Variants in CMKLR1 observed in about 807,000 individuals in gnomAD.
CMKLR1 encodes chemerin chemokine-like receptor 1, also known as chemerin-like receptor 1.
A neutral mutation model predicts 8.2 loss-of-function variants in CMKLR1; 6 were observed. The ratio of observed to expected loss-of-function variants is 0.73; its 90% confidence interval spans 0.40 to 1.44. The LOEUF is 1.44. CMKLR1 is among the 40% of genes most tolerant of loss of function. The pLI, the probability that CMKLR1 is intolerant of heterozygous loss-of-function variation, is 0.02. For missense variants in CMKLR1, 429 were observed against 478.0 expected (o/e 0.90, Z 0.96); for synonymous variants, 178 against 181.2 (o/e 0.98, Z 0.14).
At chr12:108,298,704 G>A (rs936546498) in intron 2 of CMKLR1, among the ~76,000 whole-genome samples, 9 of 152,186 alleles carry the variant, frequency 5.9e-5, no homozygotes, top group African/African-American at 2.2e-4. Flanking sequence ...AGGCCGGCCT[G>A]ACACCTGTCT....
intron 2 of CMKLR1, among the ~76,000 whole-genome samples, chr12:108,316,403 A>G (rs4964673): frequency 0.054 from 8,245 of 152,248 alleles, 610 homozygotes; most frequent in African/African-American, 0.16. Flanking sequence ...GAGAGGGGGA[A>G]GAGGGGCAGG....
intron 2 of CMKLR1, among the ~76,000 whole-genome samples, chr12:108,318,200 C>T (rs1218755754): frequency 6.6e-6 from 1 of 152,204 alleles, no homozygotes; most frequent in Non-Finnish European, 1.5e-5. Context: ...TACAATGTTA[C>T]AATTAACTAC....
intron 2 of CMKLR1, among the ~76,000 whole-genome samples, chr12:108,302,619 G>A (rs1383439387): frequency 6.6e-6 from 1 of 152,236 alleles, no homozygotes; most frequent in East Asian, 1.9e-4. Flanking sequence ...GCATGCCTCC[G>A]CCCTGTCCTG....
chr12:108,301,958 C>G (rs1350933076), intron 2 of CMKLR1, among the ~76,000 whole-genome samples: 4 of 152,150 alleles, frequency 2.6e-5, no homozygotes, highest in Non-Finnish European at 5.9e-5. Context: ...CATCAGAATG[C>G]ACACACACAC....
chr12:108,327,645 AAGCAG>A (rs1039446929), intron 2 of CMKLR1, among the ~76,000 whole-genome samples: 1 of 152,228 alleles, frequency 6.6e-6, no homozygotes, highest in Non-Finnish European at 1.5e-5. Context: ...CTTGGCTTAT[AAGCAG>A]CCTGTTGTGA....
chr12:108,306,000 G>C (rs1219382327), intron 2 of CMKLR1, among the ~76,000 whole-genome samples: 2 of 152,156 alleles, frequency 1.3e-5, no homozygotes, highest in African/African-American at 4.8e-5. Flanking sequence ...GCCACTGCCT[G>C]GCATCCTCCC....
chr12:108,294,308 C>T (rs1891070578), intron 2 of CMKLR1, among the ~76,000 whole-genome samples: 1 of 152,202 alleles, frequency 6.6e-6, no homozygotes, highest in African/African-American at 2.4e-5. Flanking sequence ...TGAAGACAGA[C>T]ACAAATATAT....
chr12:108,338,219 C>T (rs1348141533), intron 1 of CMKLR1, among the ~76,000 whole-genome samples: 2 of 152,152 alleles, frequency 1.3e-5, no homozygotes, highest in South Asian at 2.1e-4. Flanking sequence ...CAGAGAGTGC[C>T]GGCAAAGGTT....
chr12:108,313,217 C>T (rs1159653962), intron 2 of CMKLR1, among the ~76,000 whole-genome samples: 1 of 152,200 alleles, frequency 6.6e-6, no homozygotes, highest in Non-Finnish European at 1.5e-5. Context: ...CAAGGCAAAG[C>T]CCAAGCCTTG....
chr12:108,310,530 A>C (rs1269009885), intron 2 of CMKLR1, among the ~76,000 whole-genome samples: 6 of 152,198 alleles, frequency 3.9e-5, no homozygotes, highest in African/African-American at 1.2e-4. Flanking sequence ...GAAGCCAAGC[A>C]ATCTCTTTAT....
intron 2 of CMKLR1, among the ~76,000 whole-genome samples, chr12:108,307,074 G>A (rs193018778): frequency 1.5e-4 from 23 of 152,238 alleles, no homozygotes; most frequent in Non-Finnish European, 2.5e-4. Flanking sequence ...TCTCCCCTGC[G>A]CATATCCCAC....
At chr12:108,336,621 T>C (rs373437491) in intron 1 of CMKLR1, among the ~76,000 whole-genome samples, 2 of 152,182 alleles carry the variant, frequency 1.3e-5, no homozygotes, top group Non-Finnish European at 2.9e-5. Flanking sequence ...TGAGAAGCTC[T>C]GAGTCTACTT....
rs78994892 is a variant in CMKLR1, at chr12:108,294,284, A to G, written c.-73-620T>C. Among the ~76,000 whole-genome samples, 882 of 152,350 alleles carry G rather than the reference A, an allele frequency of 5.8e-3. 6 individuals are homozygous for G. The highest frequency in any genetic ancestry group is 9.6e-3 in the Non-Finnish European group (652 of 68,038). On this transcript the variant is annotated intron_variant, in intron 2 of 3. Transcript: ENST00000550402. ...TGAATGAGATGCAGGCTCTGAAGCC[A>G]CAGCAGTCTGGTGTGAAGACAGACA...
chr12:108,308,971 A>T (rs1891481468), intron 2 of CMKLR1, among the ~76,000 whole-genome samples: 1 of 152,152 alleles, frequency 6.6e-6, no homozygotes. Context: ...CAAATACATA[A>T]TAAGGAAGAC....
chr12:108,305,135 T>C (rs1891375097), intron 2 of CMKLR1, among the ~76,000 whole-genome samples: 1 of 152,174 alleles, frequency 6.6e-6, no homozygotes, highest in Admixed American at 6.5e-5. Flanking sequence ...AGAGAGTGCA[T>C]GACCCTCTCT....
intron 2 of CMKLR1, among the ~76,000 whole-genome samples, chr12:108,312,466 G>A (rs1028992479): frequency 2.6e-5 from 4 of 152,202 alleles, no homozygotes; most frequent in African/African-American, 9.7e-5. Context: ...GTGCAGCTAT[G>A]GGGTGAGAGG....
Position 108,288,829 on chromosome 12 carries a change from T to C in CMKLR1, c.*3012A>G, listed in dbSNP as rs890720119. 2.6e-5 allele frequency: 4 copies of C among 152,298 alleles called. No homozygotes were observed. The highest frequency in any genetic ancestry group is 4.4e-5 in the Non-Finnish European group (3 of 68,180). 9.4% of individuals were successfully genotyped at this position (152,298 alleles called of 1,614,324 possible). ...CTTCTTCTTCTCCCCACCCTCTCCT[T>C]CCAAGGGCTGAAGAAGTTGGGCATT... On this transcript the variant is annotated 3_prime_UTR_variant, in exon 4 of 4. Transcript: ENST00000550402.
chr12:108,335,327 C>T (rs1892196108), intron 1 of CMKLR1, among the ~76,000 whole-genome samples: 1 of 152,118 alleles, frequency 6.6e-6, no homozygotes, highest in African/African-American at 2.4e-5. Flanking sequence ...GTCATGTCTG[C>T]TGCTTCCAGG....
chr12:108,309,526 C>T (rs1002556712), intron 2 of CMKLR1, among the ~76,000 whole-genome samples: 10 of 150,734 alleles, frequency 6.6e-5, no homozygotes, highest in Admixed American at 1.3e-4. Flanking sequence ...CAGGGTGAGA[C>T]CTCCATCTCC....
Sources: gnomAD v4.1 joint callset for allele counts (sites outside exome capture counted in the v4.1 genomes callset) on GRCh38, gnomAD v4.1.1 for gene constraint, MANE v1.5 for transcripts, NCBI Gene and HGNC (gene_info 2026-07-23, HGNC 2026-07-21) for gene names.